The following PIPOX variants were observed in gnomAD, a reference collection of about 807,000 sequenced individuals.
PIPOX encodes the protein peroxisomal sarcosine oxidase.
In PIPOX, 45 loss-of-function variants were observed where a neutral mutation model predicts 47.9. The observed-to-expected ratio is 0.94, with a 90% CI of 0.74 to 1.20. The LOEUF is 1.20. Among genes scored for constraint, PIPOX ranks in the 50% most tolerant of loss-of-function variants. The pLI, the probability that PIPOX is intolerant of heterozygous loss-of-function variation, is 0.00. For missense variants in PIPOX, 458 were observed against 498.4 expected, an observed-to-expected ratio of 0.92 and a Z score of 0.77; for synonymous variants, 165 against 191.3, an observed-to-expected ratio of 0.86 and a Z score of 1.13.
At chr17:29,045,754 G>A (rs114479447) in intron 2 of PIPOX, among the ~76,000 whole-genome samples, 1 of 152,066 alleles carries the variant, frequency 6.6e-6, no homozygotes, top group African/African-American at 2.4e-5. Context: ...TTCCTGAGGG[G>A]TCCTCACCCC....
chr17:29,048,046 A>C (rs1264688694), intron 2 of PIPOX, among the ~76,000 whole-genome samples: 2 of 152,198 alleles, frequency 1.3e-5, no homozygotes, highest in African/African-American at 4.8e-5. Context: ...TTCTATTATT[A>C]TAAGTCCTTT....
rs2065830038 is a variant in PIPOX at position 29,056,724 on chromosome 17, C to G, written c.*419C>G. ...GGGGGCCGGGTGTGGTGGCTCACAC[C>G]TGTAATCTCGGCACTTTGGGGGGCT... On this transcript the variant is annotated 3_prime_UTR_variant, in exon 8 of 8. Coordinates refer to ENST00000323372, the MANE Select transcript of PIPOX (RefSeq NM_016518.3). 5.8e-6 allele frequency: 1 copy of G among 173,542 alleles called. No individual in the cohort carries two copies. Among genetic ancestry groups the G allele is most frequent in the Non-Finnish European group, 1.2e-5 (1 of 81,788 alleles). 10.8% of individuals were successfully genotyped at this position (173,542 alleles called of 1,614,324 possible).
Position 29,053,404 on chromosome 17 carries a change from C to A in PIPOX, c.478-9C>A. The A allele has an allele frequency of 6.2e-7, 1 of 1,605,850 alleles. No individual in the cohort carries two copies. The highest frequency in any genetic ancestry group is 8.5e-7 in the Non-Finnish European group (1 of 1,174,144). On this transcript the variant is annotated splice_polypyrimidine_tract_variant and intron_variant, in intron 3 of 7. Transcript: ENST00000323372. ...ACTAATTCACCTTTCCCTGCTCCTG[C>A]CCTTTCAGGATGCAATTCGACAGCT...
intron 2 of PIPOX, among the ~76,000 whole-genome samples, chr17:29,047,690 T>A (rs1344479767): frequency 1.3e-5 from 2 of 151,760 alleles, no homozygotes; most frequent in African/African-American, 4.9e-5. Context: ...TTCTTTGGAT[T>A]AAAAAAAATC....
rs1175330320 is a variant in PIPOX, at chr17:29,052,866, T to C, written c.264-54T>C. ...GGGATTACAGGCGTGAGTCGTCACA[T>C]CAGGCCCAGGATTTTGAAACACACC... On this transcript the variant is annotated intron_variant, in intron 2 of 7. Coordinates refer to ENST00000323372, the MANE Select transcript of PIPOX (RefSeq NM_016518.3). The C allele has an allele frequency of 3.9e-6, 6 of 1,527,084 alleles. No homozygotes were observed. In the Admixed American group the frequency reaches 1.0e-4, roughly 26 times the overall value. 94.6% of individuals were successfully genotyped at this position (1,527,084 alleles called of 1,614,324 possible).
At chr17:29,049,966 T>C (rs1197415618) in intron 2 of PIPOX, among the ~76,000 whole-genome samples, 3 of 152,222 alleles carry the variant, frequency 2.0e-5, no homozygotes, top group African/African-American at 7.2e-5. Flanking sequence ...ATCAGCTCGC[T>C]GATTACTCCC....
rs527587564 is a variant in PIPOX, at chr17:29,055,131, C to T, written c.876C>T (p.Ile292=). The T allele has an allele frequency of 2.5e-5, 41 of 1,614,116 alleles. No individual in the cohort carries two copies. The highest frequency in any genetic ancestry group is 4.5e-5 in the East Asian group (2 of 44,876). ...ACTGCCCCACAGCACGCACAGACAT[C>T]GGAGACGTCCAGATCCTGAGCAGCT... ...ERDCPTARTD[I]GDVQILSSFV... Residue 292 remains isoleucine, a synonymous_variant, in exon 6 of 8, where the codon ATC becomes ATT. Coordinates refer to ENST00000323372, the MANE Select transcript of PIPOX (RefSeq NM_016518.3).
chr17:29,056,606 G>A lies in PIPOX; in HGVS notation c.*301G>A, dbSNP rs1329910075. On this transcript the variant is annotated 3_prime_UTR_variant, in exon 8 of 8. Transcript: ENST00000323372. ...TGATCAGATATTCTACAATCACAGA[G>A]TAGCAAGGACGTTTGAGATGGGTAT... 8.9e-5 allele frequency: 41 copies of A among 458,576 alleles called. No individual in the cohort carries two copies. The Admixed American group carries it at 1.5e-3, about 17-fold the overall frequency. 28.4% of individuals were successfully genotyped at this position (458,576 alleles called of 1,614,324 possible). A position where few individuals can be genotyped will look rare whatever the true frequency, so the allele number is the denominator to read the frequency against.
At chr17:29,055,291 G>T (rs1406690470) in intron 6 of PIPOX, 70 bp downstream of exon 6, 2 of 1,569,046 alleles carry the variant, frequency 1.3e-6, no homozygotes, top group Non-Finnish European at 1.7e-6. Context: ...GACAGACCTT[G>T]CACTGGCCAG....
In PIPOX at chr17:29,055,549, G is replaced by C. The variant is rs576497314; in HGVS notation, c.967-264G>C. Among the ~76,000 whole-genome samples, 81 of 152,292 alleles carry C rather than the reference G, an allele frequency of 5.3e-4. 4 individuals are homozygous for C. The South Asian group carries it at 0.017, about 32-fold the overall frequency. Reference sequence around the variant, plus strand: ...AAAGAGAAGAGACAGATGTCACCACGGCCTAAGGCATCTTGGCTAAAGTTA... The same window carrying C: ...AAAGAGAAGAGACAGATGTCACCACCGCCTAAGGCATCTTGGCTAAAGTTA... On this transcript the variant is annotated intron_variant, in intron 6 of 7. Coordinates refer to ENST00000323372, the MANE Select transcript of PIPOX (RefSeq NM_016518.3).
chr17:29,044,735 T>A, intron 1 of PIPOX, 124 bp from the exon 2 acceptor site: 1 of 989,296 alleles, frequency 1.0e-6, no homozygotes, highest in Non-Finnish European at 1.5e-6. Flanking sequence ...CTTCCCCAGA[T>A]TGTGTGGAAA....
chr17:29,049,534 A>G (rs937404097), intron 2 of PIPOX, among the ~76,000 whole-genome samples: 1 of 152,214 alleles, frequency 6.6e-6, no homozygotes, highest in African/African-American at 2.4e-5. Context: ...GAAGCCATCC[A>G]TCTTCATACT....
chr17:29,045,279 G>T (rs765931755), intron 2 of PIPOX, among the ~76,000 whole-genome samples: 1 of 152,194 alleles, frequency 6.6e-6, no homozygotes, highest in African/African-American at 2.4e-5. Flanking sequence ...GCAAGGCACC[G>T]TGTGGCAGAT....
chr17:29,054,294 A>G (rs578061057), intron 4 of PIPOX, among the ~76,000 whole-genome samples: 1 of 152,328 alleles, frequency 6.6e-6, no homozygotes, highest in East Asian at 1.9e-4. Context: ...AGACAGAAAT[A>G]TGGCTGGGGG....
At chr17:29,051,663 A>G (rs958620588) in intron 2 of PIPOX, among the ~76,000 whole-genome samples, 2 of 152,194 alleles carry the variant, frequency 1.3e-5, no homozygotes, top group Non-Finnish European at 1.5e-5. Flanking sequence ...AAAGAGAAAC[A>G]GCTTTCACTC....
At chr17:29,051,810 C>G (rs1724944468) in intron 2 of PIPOX, 1 of 403,112 alleles carries the variant, frequency 2.5e-6, no homozygotes, top group African/African-American at 2.1e-5. Flanking sequence ...GTGGAATCTT[C>G]TCGAGCATTG....
At chr17:29,048,340 G>T (rs1482742225) in intron 2 of PIPOX, among the ~76,000 whole-genome samples, 5 of 152,128 alleles carry the variant, frequency 3.3e-5, no homozygotes, top group African/African-American at 1.2e-4. Flanking sequence ...ATTTGATGAT[G>T]ATTAAAAAAA....
In PIPOX at chr17:29,053,445, T is replaced by A; in HGVS notation, c.510T>A (p.Arg170=). ...DAIRQLGGIV[R]DGEKVVEINP... is the part of the protein sequence containing the mutation. ...TTCGACAGCTAGGAGGCATAGTGCGTGACGGAGAGAAGGTGGTGGAGATAA... is the reference window on the plus strand; with the variant it reads ...TTCGACAGCTAGGAGGCATAGTGCGAGACGGAGAGAAGGTGGTGGAGATAA... The change falls in exon 4 of 8, where the codon CGT becomes CGA. Residue 170 remains arginine, a synonymous_variant. Transcript: ENST00000323372. 6.2e-7 allele frequency: 1 copy of A among 1,614,068 alleles called. No individual in the cohort carries two copies. The highest frequency in any genetic ancestry group is 8.5e-7 in the Non-Finnish European group (1 of 1,179,946).
intron 2 of PIPOX, among the ~76,000 whole-genome samples, chr17:29,050,473 C>T (rs926753808): frequency 4.0e-5 from 6 of 151,060 alleles, no homozygotes; most frequent in African/African-American, 1.2e-4. Context: ...ACAGAAGGAT[C>T]GCTTGAGGCC....
Sources: allele counts gnomAD v4.1 joint callset (sites outside exome capture counted in the v4.1 genomes callset), GRCh38; gene constraint gnomAD v4.1.1; transcripts MANE v1.5; gene names NCBI Gene and HGNC (gene_info 2026-07-23, HGNC 2026-07-21).